HDLBP: variants seen among roughly 807,000 people sequenced by gnomAD.
HDLBP encodes the protein vigilin.
A neutral mutation model predicts 137.3 loss-of-function variants in HDLBP; 30 were observed. The ratio of observed to expected loss-of-function variants is 0.22; its 90% confidence interval spans 0.16 to 0.30. HDLBP has a LOEUF of 0.30. Among genes scored for constraint, HDLBP ranks in the 10% least tolerant of loss-of-function variants. The pLI is 1.00. For missense variants in HDLBP, 1,119 were observed against 1,667.3 expected, an observed-to-expected ratio of 0.67 and a Z score of 5.73; for synonymous variants, 606 against 596.0, an observed-to-expected ratio of 1.02 and a Z score of -0.24.
intron 12 of HDLBP, chr2:241,249,545 T>C: frequency 1.8e-6 from 1 of 558,156 alleles, no homozygotes. Flanking sequence ...TCTGTCACAA[T>C]CTCTGGAGAT....
intron 5 of HDLBP, among the ~76,000 whole-genome samples, chr2:241,260,131 G>A (rs2073035527): frequency 6.6e-6 from 1 of 152,100 alleles, no homozygotes; most frequent in Admixed American, 6.5e-5. Flanking sequence ...AGCCTCCCAA[G>A]TAGCTGAGAT....
chr2:241,256,866 T>C (rs1574939120), intron 5 of HDLBP, 60 bp from the exon 6 acceptor site: 1 of 1,449,608 alleles, frequency 6.9e-7, no homozygotes, highest in East Asian at 2.3e-5. Context: ...AGGAGCATAT[T>C]TTTCCAAGAC....
chr2:241,250,613 G>C (rs2149457100), intron 11 of HDLBP: 1 of 152,694 alleles, frequency 6.5e-6, no homozygotes, highest in East Asian at 1.9e-4. Context: ...GTATCATCAG[G>C]AAACAAGGCA....
At chr2:241,296,462 TA>T (rs1188699435) in intron 1 of HDLBP, among the ~76,000 whole-genome samples, 1 of 152,164 alleles carries the variant, frequency 6.6e-6, no homozygotes, top group Non-Finnish European at 1.5e-5. Context: ...ACATATACTG[TA>T]AAAACCACTG....
intron 1 of HDLBP, among the ~76,000 whole-genome samples, chr2:241,282,482 C>G (rs999714635): frequency 6.6e-6 from 1 of 152,190 alleles, no homozygotes; most frequent in Non-Finnish European, 1.5e-5. Flanking sequence ...CTAAGAATTT[C>G]TCACACATGT....
intron 16 of HDLBP, among the ~76,000 whole-genome samples, chr2:241,243,370 T>C (rs1003506404): frequency 6.6e-6 from 1 of 152,200 alleles, no homozygotes; most frequent in South Asian, 2.1e-4. Context: ...CAGGAAACAG[T>C]GCCTGCAGCT....
chr2:241,273,269 C>T (rs926937127), intron 1 of HDLBP: 42 of 975,658 alleles, frequency 4.3e-5, no homozygotes, highest in Non-Finnish European at 5.0e-5. Flanking sequence ...GGCTTTCATT[C>T]CCTCATTCCT....
intron 15 of HDLBP, 33 bp downstream of exon 15, chr2:241,247,023 A>G (rs1277312215): frequency 6.3e-7 from 1 of 1,581,298 alleles, no homozygotes; most frequent in South Asian, 1.1e-5. Context: ...GGACAAGGCA[A>G]GAAGAAGCAA....
In HDLBP at chr2:241,230,842, C is replaced by G; in HGVS notation, c.3391G>C (p.Asp1131His). 6.2e-7 allele frequency: 1 copy of G among 1,614,218 alleles called. No individual in the cohort carries two copies. Among genetic ancestry groups the G allele is most frequent in the Non-Finnish European group, 8.5e-7 (1 of 1,180,034 alleles). ...VGELEQMVSE[D>H]VPLDHRVHAR... ...TGAACGCGGTGGTCCAGCGGGACGTCCTCAGAAACCATCTGCTCAAGTTCA... is the reference window on the plus strand; with the variant it reads ...TGAACGCGGTGGTCCAGCGGGACGTGCTCAGAAACCATCTGCTCAAGTTCA... Residue 1131 changes from aspartate to histidine, a missense_variant, in exon 25 of 28, where the codon GAC (aspartate) becomes CAC (histidine). By Grantham distance (81) the Asp-to-His change is moderately conservative (BLOSUM62 -1). Around this residue, in one of 4 missense-constraint regions of HDLBP, gnomAD observed 618 missense variants for 816.7 expected, o/e 0.76. Transcript: ENST00000310931. The surrounding 1 kb of genome is among the most constrained non-coding windows in gnomAD (Gnocchi z 5.0).
intron 1 of HDLBP, among the ~76,000 whole-genome samples, chr2:241,311,014 C>T (rs552432848): frequency 6.6e-5 from 10 of 151,798 alleles, no homozygotes; most frequent in African/African-American, 1.4e-4. Flanking sequence ...CTTGGGAGGC[C>T]GAGGCAGGAG....
intron 1 of HDLBP, among the ~76,000 whole-genome samples, chr2:241,288,193 G>A (rs2074895054): frequency 6.6e-6 from 1 of 152,200 alleles, no homozygotes. Flanking sequence ...TATTTTCTCT[G>A]CTGTGCTATT....
intron 16 of HDLBP, among the ~76,000 whole-genome samples, chr2:241,244,189 TCCCCTC>T (rs1355490338): frequency 6.6e-6 from 1 of 152,080 alleles, no homozygotes; most frequent in African/African-American, 2.4e-5. Context: ...ATATCGCTCC[TCCCCTC>T]AACTCAAATA....
At chr2:241,291,061 G>A (rs1054918015) in intron 1 of HDLBP, among the ~76,000 whole-genome samples, 2 of 152,166 alleles carry the variant, frequency 1.3e-5, no homozygotes, top group Admixed American at 6.5e-5. Flanking sequence ...TGTATCACAC[G>A]AGGCGCTTTA....
chr2:241,302,924 G>C (rs2075440176), intron 1 of HDLBP, among the ~76,000 whole-genome samples: 1 of 152,158 alleles, frequency 6.6e-6, no homozygotes, highest in Admixed American at 6.5e-5. Flanking sequence ...GTCCTTCTCT[G>C]CCTGGCCCGA....
rs998442985 is a variant in HDLBP, at chr2:241,230,473, C to T, written c.3475-204G>A. Among the ~76,000 whole-genome samples, 1 of 152,216 alleles carries T rather than the reference C, an allele frequency of 6.6e-6. No homozygotes were observed. The highest frequency in any genetic ancestry group is 6.5e-5 in the Admixed American group (1 of 15,286). On this transcript the variant is annotated intron_variant, in intron 25 of 27. Transcript: ENST00000310931. This position sits in a 1 kb window ranked among gnomAD's most constrained non-coding sequence, Gnocchi z 5.0. The stretch of plus-strand genomic sequence containing the variant: ...ACCTTGTTCCCAGCAGACAGAGGGC[C>T]GCAGCACGTACTGTGCGCTCTTGCA...
Position 241,264,473 on chromosome 2 carries a change from G to C in HDLBP, c.209C>G (p.Pro70Arg). The change falls in exon 4 of 28, where the codon CCC becomes CGC. Residue 70 changes from proline to arginine, a missense_variant. Coordinates refer to ENST00000310931, the MANE Select transcript of HDLBP (RefSeq NM_005336.6). ...CTGAGTGATGACAGAAGCCTTGATG[G>C]GTCGGATCTTGTTCCCCCAGGCTCC... The part of the protein sequence containing the change: ...PAGAWGNKIR[P>R]IKASVITQVF... 6.2e-7 allele frequency: 1 copy of C among 1,613,240 alleles called. No individual in the cohort carries two copies. The highest frequency in any genetic ancestry group is 1.1e-5 in the South Asian group (1 of 91,054).
In HDLBP at chr2:241,247,922, G is replaced by C. The variant is rs374132322; in HGVS notation, c.1731+81C>G. 1.4e-4 allele frequency: 132 copies of C among 939,502 alleles called. No individual in the cohort carries two copies. The African/African-American group carries it at 1.7e-3, about 12-fold the overall frequency. The allele number at this position is 939,502 out of a possible 1,614,324, so 58.2% of individuals were successfully genotyped here. On this transcript the variant is annotated intron_variant, in intron 14 of 27. Coordinates refer to ENST00000310931, the MANE Select transcript of HDLBP (RefSeq NM_005336.6). Reference sequence around the variant, plus strand: ...GCTTTCCCCAGAGCAGGGGTCCTGTGGGGGTCAGGACTTCTGACAGGACGC... The same window carrying C: ...GCTTTCCCCAGAGCAGGGGTCCTGTCGGGGTCAGGACTTCTGACAGGACGC...
At position 241,240,196 on chromosome 2, in the gene HDLBP, G is replaced by T. The variant is rs1378413165; in HGVS notation, c.2170-74C>A. 1 of 1,435,402 alleles carries T rather than the reference G, an allele frequency of 7.0e-7. No homozygotes were observed. Among genetic ancestry groups the T allele is most frequent in the Admixed American group, 1.7e-5 (1 of 59,764 alleles). 88.9% of individuals were successfully genotyped at this position (1,435,402 alleles called of 1,614,324 possible). The stretch of plus-strand genomic sequence containing the variant: ...CACAGTGAGGAAGACAAGAGGGTCT[G>T]TAGGACAGCAAGCTCGGGCTCCCCT... On this transcript the variant is annotated intron_variant, in intron 17 of 27. Transcript: ENST00000310931. The surrounding 1 kb of genome is among the most constrained non-coding windows in gnomAD (Gnocchi z 5.5).
At chr2:241,292,045 T>C (rs2075028215) in intron 1 of HDLBP, among the ~76,000 whole-genome samples, 1 of 152,058 alleles carries the variant, frequency 6.6e-6, no homozygotes. Flanking sequence ...AACAAGCAAA[T>C]GGCCGTTAAA....
Sources: gnomAD v4.1 joint callset for allele counts (sites outside exome capture counted in the v4.1 genomes callset) on GRCh38, gnomAD v4.1.1 for gene constraint, gnomAD v4.1.1 regional missense constraint, Gnocchi (gnomAD v3.1) non-coding constraint, MANE v1.5 for transcripts, NCBI Gene and HGNC (gene_info 2026-07-23, HGNC 2026-07-21) for gene names.